Variants in FAT4 observed in about 807,000 individuals in gnomAD.
The protein encoded by FAT4 is FAT atypical cadherin 4.
FAT4 carries 84 observed loss-of-function variants against 303.9 expected under a neutral mutation model. The observed-to-expected ratio is 0.28, with a 90% CI of 0.23 to 0.33. The LOEUF (loss-of-function observed/expected upper bound fraction) is 0.33, where lower values mean the gene tolerates loss of function less well. FAT4 is among the 10% of genes least tolerant of loss of function. The pLI, the probability that FAT4 is intolerant of heterozygous loss-of-function variation, is 1.00. For synonymous variants in FAT4, 2,307 were observed against 2,298.8 expected, an observed-to-expected ratio of 1.00 and a Z score of -0.10; for missense variants, 6,005 against 6,146.8, an observed-to-expected ratio of 0.98 and a Z score of 0.77.
intron 11 of FAT4, among the ~76,000 whole-genome samples, chr4:125,466,991 A>G (rs144236430): frequency 0.037 from 5,624 of 151,872 alleles, 114 homozygotes; most frequent in Non-Finnish European, 0.051. Flanking sequence ...GTTAGCCAGG[A>G]TGGTCTTGAT....
At chr4:125,455,070 A>G (rs1009840699) in intron 10 of FAT4, among the ~76,000 whole-genome samples, 1 of 152,144 alleles carries the variant, frequency 6.6e-6, no homozygotes, top group Non-Finnish European at 1.5e-5. Context: ...GATTTCTAGA[A>G]CACTTCCCTC....
chr4:125,437,520 G>A (rs1398311816), intron 8 of FAT4, among the ~76,000 whole-genome samples: 1 of 152,120 alleles, frequency 6.6e-6, no homozygotes, highest in East Asian at 1.9e-4. Flanking sequence ...AGTTCTCAGA[G>A]TCCTGTAAAG....
At chr4:125,419,375 T>A (rs1735195256) in intron 7 of FAT4, among the ~76,000 whole-genome samples, 1 of 152,140 alleles carries the variant, frequency 6.6e-6, no homozygotes, top group Non-Finnish European at 1.5e-5. Context: ...ATCCAACAAA[T>A]TCATTAACAA....
At chr4:125,377,731 TAAAC>T (rs1469063097) in intron 2 of FAT4, among the ~76,000 whole-genome samples, 1 of 152,062 alleles carries the variant, frequency 6.6e-6, no homozygotes, top group African/African-American at 2.4e-5. Context: ...TAATAAATAA[TAAAC>T]AGATTCAAAA....
At chr4:125,340,591 T>A (rs915381197) in intron 2 of FAT4, among the ~76,000 whole-genome samples, 1 of 152,222 alleles carries the variant, frequency 6.6e-6, no homozygotes, top group African/African-American at 2.4e-5. Context: ...TTTCACCGTG[T>A]TAGCCAGGAT....
chr4:125,387,284 T>A (rs1733791521), intron 2 of FAT4, among the ~76,000 whole-genome samples: 1 of 152,224 alleles, frequency 6.6e-6, no homozygotes, highest in Admixed American at 6.5e-5. Flanking sequence ...AGGTGAAGAC[T>A]ACTATGCAAA....
At chr4:125,378,965 C>G (rs1733435899) in intron 2 of FAT4, among the ~76,000 whole-genome samples, 1 of 151,674 alleles carries the variant, frequency 6.6e-6, no homozygotes, top group Non-Finnish European at 1.5e-5. Flanking sequence ...TCATTGGTTG[C>G]CTTGGAGAGT....
intron 8 of FAT4, among the ~76,000 whole-genome samples, chr4:125,434,960 T>G (rs1002313792): frequency 6.6e-6 from 1 of 152,214 alleles, no homozygotes; most frequent in African/African-American, 2.4e-5. Flanking sequence ...CAGACTCAGA[T>G]GTGCCATAGC....
intron 2 of FAT4, among the ~76,000 whole-genome samples, chr4:125,338,328 T>C (rs966290211): frequency 6.6e-6 from 1 of 152,166 alleles, no homozygotes; most frequent in African/African-American, 2.4e-5. Flanking sequence ...TAACTAAGGA[T>C]TTCCGAATTA....
rs1322247563 is a variant in FAT4 at position 125,492,707 on chromosome 4, T to C, written c.*939T>C. 1 of 152,556 alleles carries C rather than the reference T, an allele frequency of 6.6e-6. No homozygotes were observed. Among genetic ancestry groups the C allele is most frequent in the Non-Finnish European group, 1.5e-5 (1 of 68,032 alleles). 9.5% of individuals were successfully genotyped at this position (152,556 alleles called of 1,614,324 possible). A position where few individuals can be genotyped will look rare whatever the true frequency, so the allele number is the denominator to read the frequency against. ...ACTTTGTCATTTTGTAGATCATTTT[T>C]TTAAAATACTGTGTAAAAACTTTTT... is the stretch of plus-strand genomic sequence containing the variant. On this transcript the variant is annotated 3_prime_UTR_variant, in exon 18 of 18. Coordinates refer to ENST00000394329, the MANE Select transcript of FAT4 (RefSeq NM_001291303.3).
intron 7 of FAT4, among the ~76,000 whole-genome samples, chr4:125,419,394 A>G (rs1227031135): frequency 1.3e-5 from 2 of 152,162 alleles, no homozygotes. Flanking sequence ...AAGGAGACTC[A>G]GCTTCAAAAA....
chr4:125,470,812 T>C (rs1726831363), intron 12 of FAT4, among the ~76,000 whole-genome samples: 1 of 152,244 alleles, frequency 6.6e-6, no homozygotes, highest in Non-Finnish European at 1.5e-5. Flanking sequence ...CATTTGTATA[T>C]TCACTGGAGT....
At chr4:125,430,738 C>G (rs999598157) in intron 7 of FAT4, among the ~76,000 whole-genome samples, 3 of 151,990 alleles carry the variant, frequency 2.0e-5, no homozygotes, top group Admixed American at 6.6e-5. Context: ...AAGGGATACT[C>G]TGGAGAAAGT....
At chr4:125,476,309 A>G (rs1727028210) in intron 13 of FAT4, 53 bp downstream of exon 13, 1 of 984,530 alleles carries the variant, frequency 1.0e-6, no homozygotes, top group South Asian at 1.7e-5. Context: ...TTTTTAAAAT[A>G]AACTTTATAC....
At chr4:125,339,100 T>C (rs1203130604) in intron 2 of FAT4, among the ~76,000 whole-genome samples, 1 of 152,188 alleles carries the variant, frequency 6.6e-6, no homozygotes, top group Non-Finnish European at 1.5e-5. Context: ...TGTTTGTATT[T>C]GATGACATAT....
chr4:125,436,077 A>G (rs1381813557), intron 8 of FAT4, among the ~76,000 whole-genome samples: 2 of 151,380 alleles, frequency 1.3e-5, no homozygotes, highest in African/African-American at 2.4e-5. Context: ...GCATTAGGAG[A>G]TATACCTAAT....
At chr4:125,446,149 A>T in intron 8 of FAT4, 144 bp from the exon 9 acceptor site, 1 of 648,700 alleles carries the variant, frequency 1.5e-6, no homozygotes, top group Non-Finnish European at 2.6e-6. Flanking sequence ...TATTAGCTAG[A>T]CTAGTTGTAT....
At chr4:125,328,972 A>AT (rs35287580) in intron 2 of FAT4, among the ~76,000 whole-genome samples, 112,907 of 151,888 alleles carry the variant, frequency 0.74, 42,855 homozygotes, top group African/African-American at 0.89. Flanking sequence ...CATGTTAATG[A>AT]TGAAAAAATA....
At chr4:125,416,398 T>C in intron 6 of FAT4, 50 bp from the exon 7 acceptor site, 1 of 1,460,986 alleles carries the variant, frequency 6.8e-7, no homozygotes, top group Non-Finnish European at 9.3e-7. Flanking sequence ...TTTTATTTCA[T>C]GAGATGCATT....
Sources: gnomAD v4.1 joint callset for allele counts (sites outside exome capture counted in the v4.1 genomes callset) on GRCh38, gnomAD v4.1.1 for gene constraint, MANE v1.5 for transcripts, NCBI Gene and HGNC (gene_info 2026-07-23, HGNC 2026-07-21) for gene names.